FTO: variants seen among roughly 807,000 people sequenced by gnomAD.
FTO encodes the protein alpha-ketoglutarate-dependent dioxygenase FTO.
Under a neutral mutation model 63.9 loss-of-function variants are expected in FTO, and 47 were observed. The observed-to-expected ratio is 0.74, with a 90% CI of 0.58 to 0.94. FTO has a LOEUF of 0.94. FTO is among the 40% of genes least tolerant of loss of function. The pLI is 0.00. For synonymous variants in FTO, 207 were observed against 224.4 expected (o/e 0.92, Z 0.69); for missense variants, 562 against 618.1 (o/e 0.91, Z 0.96).
At chr16:53,709,010 G>A (rs1850000003) in intron 1 of FTO, among the ~76,000 whole-genome samples, 1 of 152,130 alleles carries the variant, frequency 6.6e-6, no homozygotes, top group Non-Finnish European at 1.5e-5. Context: ...CTTTATCAAT[G>A]TTTATTTTTA....
At chr16:54,089,944 G>T (rs1397387886) in intron 8 of FTO, among the ~76,000 whole-genome samples, 2 of 151,604 alleles carry the variant, frequency 1.3e-5, no homozygotes, top group Non-Finnish European at 1.5e-5. Flanking sequence ...AGCGCAAAAT[G>T]GTGCAGCACC....
intron 8 of FTO, among the ~76,000 whole-genome samples, chr16:54,080,704 A>G (rs2086120065): frequency 6.6e-6 from 1 of 152,186 alleles, no homozygotes; most frequent in Non-Finnish European, 1.5e-5. Context: ...CCTGATCAGT[A>G]ATTGTTTCAA....
At chr16:53,905,171 C>A (rs1239380495) in intron 7 of FTO, among the ~76,000 whole-genome samples, 1 of 152,034 alleles carries the variant, frequency 6.6e-6, no homozygotes, top group Non-Finnish European at 1.5e-5. Context: ...AAGTGAGCAT[C>A]TGTTGCTGGC....
intron 1 of FTO, among the ~76,000 whole-genome samples, chr16:53,781,287 A>G (rs985348006): frequency 6.6e-6 from 1 of 152,222 alleles, no homozygotes; most frequent in Non-Finnish European, 1.5e-5. Flanking sequence ...TCTTTCTGTT[A>G]TGCCACAATA....
chr16:54,028,227 G>T (rs1191410303), intron 8 of FTO, among the ~76,000 whole-genome samples: 1 of 152,168 alleles, frequency 6.6e-6, no homozygotes, highest in African/African-American at 2.4e-5. Flanking sequence ...GGCAATAGTA[G>T]ACCTGTTTCT....
intron 6 of FTO, among the ~76,000 whole-genome samples, chr16:53,887,295 T>C (rs2081026126): frequency 6.6e-6 from 1 of 152,206 alleles, no homozygotes; most frequent in Non-Finnish European, 1.5e-5. Context: ...TAGTTTCTGA[T>C]AGTCTTGAGA....
intron 1 of FTO, among the ~76,000 whole-genome samples, chr16:53,729,056 G>T (rs1239514904): frequency 6.6e-6 from 1 of 151,730 alleles, no homozygotes. Flanking sequence ...GAGCCACTGT[G>T]CCTGGCCAGG....
intron 1 of FTO, among the ~76,000 whole-genome samples, chr16:53,780,619 C>T (rs1332323369): frequency 1.3e-5 from 2 of 152,080 alleles, no homozygotes; most frequent in Admixed American, 6.5e-5. Flanking sequence ...ATTCACCCAC[C>T]TCGGCCTCCC....
chr16:54,077,941 G>T (rs1482025627), intron 8 of FTO, among the ~76,000 whole-genome samples: 1 of 152,136 alleles, frequency 6.6e-6, no homozygotes, highest in Non-Finnish European at 1.5e-5. Context: ...GCCCTTAAGA[G>T]AGTGACATAC....
At chr16:53,759,953 C>G (rs1169773147) in intron 1 of FTO, among the ~76,000 whole-genome samples, 1 of 152,048 alleles carries the variant, frequency 6.6e-6, no homozygotes, top group Non-Finnish European at 1.5e-5. Context: ...TTAAACTCAT[C>G]TTTTGCTTGG....
intron 1 of FTO, among the ~76,000 whole-genome samples, chr16:53,761,190 G>A (rs1051597464): frequency 2.0e-5 from 3 of 151,534 alleles, no homozygotes; most frequent in Non-Finnish European, 4.4e-5. Flanking sequence ...TAAAACTCCT[G>A]GGCTGAAGGG....
intron 8 of FTO, among the ~76,000 whole-genome samples, chr16:54,095,447 T>G (rs1242410518): frequency 6.6e-6 from 1 of 152,058 alleles, no homozygotes; most frequent in African/African-American, 2.4e-5. Context: ...ACTCTTTTTT[T>G]TTTTTCATTT....
chr16:54,100,001 G>A (rs2086601535), intron 8 of FTO, among the ~76,000 whole-genome samples: 1 of 152,146 alleles, frequency 6.6e-6, no homozygotes, highest in African/African-American at 2.4e-5. Context: ...CTTTGTGGCA[G>A]GTTAACACAG....
chr16:53,840,349 A>C (rs1195786441), intron 3 of FTO, among the ~76,000 whole-genome samples: 6 of 152,212 alleles, frequency 3.9e-5, no homozygotes, highest in Non-Finnish European at 2.9e-5. Flanking sequence ...TTAATTTAGC[A>C]TTAATTATTA....
At chr16:53,902,037 C>A (rs1037093429) in intron 7 of FTO, among the ~76,000 whole-genome samples, 4 of 152,102 alleles carry the variant, frequency 2.6e-5, no homozygotes, top group Admixed American at 2.0e-4. Flanking sequence ...GGTCATTGCT[C>A]CCCTAGAGAA....
At chr16:53,752,332 G>C (rs1022814907) in intron 1 of FTO, among the ~76,000 whole-genome samples, 1 of 151,976 alleles carries the variant, frequency 6.6e-6, no homozygotes, top group African/African-American at 2.4e-5. Context: ...CTATTGCAGG[G>C]TTGCACTTTA....
chr16:53,718,863 T>G (rs903429751), intron 1 of FTO, among the ~76,000 whole-genome samples: 8 of 152,170 alleles, frequency 5.3e-5, no homozygotes, highest in Non-Finnish European at 8.8e-5. Flanking sequence ...ATATTTCAAT[T>G]AGGAAAGTAA....
chr16:54,039,934 T>C (rs954153864), intron 8 of FTO: 3 of 152,194 alleles, frequency 2.0e-5, no homozygotes, highest in African/African-American at 7.2e-5. Context: ...GTGTACAGAA[T>C]TGCCATTGGT....
chr16:53,714,689 T>C (rs1598473272), intron 1 of FTO, among the ~76,000 whole-genome samples: 2 of 152,136 alleles, frequency 1.3e-5, no homozygotes, highest in African/African-American at 4.8e-5. Context: ...GCCATTTTTG[T>C]TTTAGTTACA....
Sources: allele counts gnomAD v4.1 joint callset (sites outside exome capture counted in the v4.1 genomes callset), GRCh38; gene constraint gnomAD v4.1.1; transcripts MANE v1.5; gene names NCBI Gene and HGNC (gene_info 2026-07-23, HGNC 2026-07-21).